ZNF829: variants seen among roughly 807,000 people sequenced by gnomAD.
ZNF829 encodes zinc finger protein 829.
In ZNF829, 25 loss-of-function variants were observed where a neutral mutation model predicts 35.2. That is an observed-to-expected ratio of 0.71 (90% CI 0.52 to 0.99). ZNF829 has a LOEUF of 0.99. Ranked by LOEUF, ZNF829 falls within the 50% of genes least tolerant of loss-of-function variation. The pLI is 0.00. For synonymous variants in ZNF829, 136 were observed against 163.2 expected (o/e 0.83, Z 1.27); for missense variants, 417 against 515.3 (o/e 0.81, Z 1.85).
At chr19:36,912,466 T>C (rs2073272325) in intron 3 of ZNF829, among the ~76,000 whole-genome samples, 1 of 152,190 alleles carries the variant, frequency 6.6e-6, no homozygotes, top group South Asian at 2.1e-4. Flanking sequence ...GATTTGGTTT[T>C]TCAGTTACAC....
rs2073061079 is a variant in ZNF829 at position 36,892,160 on chromosome 19, G to T, written c.631C>A (p.Pro211Thr). 2 of 1,613,992 alleles carry T rather than the reference G, an allele frequency of 1.2e-6. No individual in the cohort carries two copies. Residue 211 changes from proline (P) to threonine (T), a missense_variant, in exon 6 of 6, where the codon CCC becomes ACC. Physicochemically the swap from Pro to Thr is conservative, Grantham distance 38 (BLOSUM62 -1). Coordinates refer to ENST00000391711, the MANE Select transcript of ZNF829 (RefSeq NM_001037232.4). Reference protein sequence around the residue: ...RHQRIHTGKKPYECKECGKAF... With the variant: ...RHQRIHTGKKTYECKECGKAF... ...TTGCCACATTCCTTACATTCATAGG[G>T]TTTTTTACCAGTGTGAATCCTCTGA... is the stretch of plus-strand genomic sequence containing the variant.
intron 5 of ZNF829, among the ~76,000 whole-genome samples, chr19:36,893,336 A>G (rs536581270): frequency 5.2e-4 from 79 of 152,322 alleles, no homozygotes; most frequent in African/African-American, 1.9e-3. Flanking sequence ...AAAGAAATGA[A>G]TAATTCAAGT....
intron 5 of ZNF829, among the ~76,000 whole-genome samples, chr19:36,904,190 T>C (rs1435777965): frequency 6.6e-6 from 1 of 152,224 alleles, no homozygotes; most frequent in Non-Finnish European, 1.5e-5. Context: ...ATACAGTGAT[T>C]ACGAGAGACC....
Position 36,888,974 on chromosome 19 carries a change from G to A in ZNF829, c.*2518C>T, listed in dbSNP as rs188802480. On this transcript the variant is annotated 3_prime_UTR_variant, in exon 6 of 6. Coordinates refer to ENST00000391711, the MANE Select transcript of ZNF829 (RefSeq NM_001037232.4). ...TTTAGTAGAGACAGGGTTTCGCCAT[G>A]TCAGCCAGACTGGTCTCAAACTCTT... The A allele has an allele frequency of 6.6e-6, 1 of 152,222 alleles. No individual in the cohort carries two copies. The highest frequency in any genetic ancestry group is 2.4e-5 in the African/African-American group (1 of 41,452). The allele number at this position is 152,222 out of a possible 1,614,324, so 9.4% of individuals were successfully genotyped here.
chr19:36,891,972 A>G lies in ZNF829; in HGVS notation c.819T>C (p.Cys273=). 1 of 1,613,884 alleles carries G rather than the reference A, an allele frequency of 6.2e-7. No homozygotes were observed. Among genetic ancestry groups the G allele is most frequent in the Non-Finnish European group, 8.5e-7 (1 of 1,179,890 alleles). ...GTGAACTTTTAGTAAAGGCTTTTCC[A>G]CATACTTTACATTCATAGGGTTTCT... ...TGEKPYECKV[C]GKAFTKSSQL... is the part of the protein sequence containing the mutation. The change falls in exon 6 of 6, where the codon TGT becomes TGC. Residue 273 remains cysteine, a synonymous_variant. Transcript: ENST00000391711.
chr19:36,901,092 T>C (rs956788508), intron 5 of ZNF829, among the ~76,000 whole-genome samples: 1 of 152,094 alleles, frequency 6.6e-6, no homozygotes, highest in African/African-American at 2.4e-5. Context: ...ACAACATTAA[T>C]CAAAATAGCC....
chr19:36,915,566 CCAGA>C (rs1307707179), intron 1 of ZNF829, among the ~76,000 whole-genome samples: 3 of 150,930 alleles, frequency 2.0e-5, no homozygotes, highest in Non-Finnish European at 3.0e-5. Context: ...TTATTATCTC[CCAGA>C]CAATTTCACA....
chr19:36,916,162 T>C lies in ZNF829; in HGVS notation c.-236A>G, dbSNP rs2073327354. On this transcript the variant is annotated 5_prime_UTR_variant, in exon 1 of 6. Transcript: ENST00000391711. This position sits in a 1 kb window ranked among gnomAD's most constrained non-coding sequence, Gnocchi z 5.3. ...CTCGCCTGGGCCCACCCGAAACGGC[T>C]GCTCCCTCAACTCTCAACATCCAGC... is the stretch of plus-strand genomic sequence containing the variant. The C allele has an allele frequency of 1.9e-6, 1 of 528,118 alleles. No individual in the cohort carries two copies. The highest frequency in any genetic ancestry group is 1.9e-5 in the African/African-American group (1 of 51,336). 32.7% of individuals were successfully genotyped at this position (528,118 alleles called of 1,614,324 possible).
At chr19:36,899,125 C>A (rs1174207374) in intron 5 of ZNF829, among the ~76,000 whole-genome samples, 1 of 151,966 alleles carries the variant, frequency 6.6e-6, no homozygotes, top group Non-Finnish European at 1.5e-5. Flanking sequence ...GGACTAATAT[C>A]CAGAATTAAC....
At chr19:36,909,280 A>G (rs2146247193) in intron 3 of ZNF829, among the ~76,000 whole-genome samples, 1 of 152,318 alleles carries the variant, frequency 6.6e-6, no homozygotes, top group Non-Finnish European at 1.5e-5. Flanking sequence ...ATGTTTCATC[A>G]TGTAGAAAAT....
Position 36,915,184 on chromosome 19 carries a change from G to T in ZNF829, c.-17C>A. ...ATGGGGCATTCTGTCCAATTCCAGT[G>T]GCTCAGGGGAAAGGTTGTGTTCACT... On this transcript the variant is annotated 5_prime_UTR_variant, in exon 2 of 6. Coordinates refer to ENST00000391711, the MANE Select transcript of ZNF829 (RefSeq NM_001037232.4). The T allele has an allele frequency of 1.9e-6, 3 of 1,614,070 alleles. No homozygotes were observed. The highest frequency in any genetic ancestry group is 2.5e-6 in the Non-Finnish European group (3 of 1,179,970).
At chr19:36,894,824 A>G (rs2073096885) in intron 5 of ZNF829, among the ~76,000 whole-genome samples, 2 of 152,188 alleles carry the variant, frequency 1.3e-5, no homozygotes, top group Admixed American at 1.3e-4. Flanking sequence ...AAGCAACCAA[A>G]TATTCAAATT....
chr19:36,912,115 T>C (rs1029836220), intron 3 of ZNF829, among the ~76,000 whole-genome samples: 5 of 152,124 alleles, frequency 3.3e-5, no homozygotes, highest in East Asian at 1.9e-4. Flanking sequence ...GCAGGAGAAA[T>C]AGAAGCTCAG....
At chr19:36,911,657 AC>A (rs1243622995) in intron 3 of ZNF829, among the ~76,000 whole-genome samples, 5 of 152,148 alleles carry the variant, frequency 3.3e-5, no homozygotes, top group African/African-American at 1.2e-4. Flanking sequence ...CTTCTCCCTC[AC>A]CTTAGGACAA....
chr19:36,900,197 CAA>C (rs1206580553), intron 5 of ZNF829, among the ~76,000 whole-genome samples: 2 of 122,268 alleles, frequency 1.6e-5, no homozygotes, highest in African/African-American at 5.9e-5. Context: ...CACACACACA[CAA>C]ATTTGCTGGG....
At chr19:36,911,787 T>C (rs912154704) in intron 3 of ZNF829, among the ~76,000 whole-genome samples, 1 of 152,176 alleles carries the variant, frequency 6.6e-6, no homozygotes, top group African/African-American at 2.4e-5. Context: ...TTTCCCTCTT[T>C]GGACTAGATG....
chr19:36,901,818 C>T, intron 5 of ZNF829: 2 of 693,362 alleles, frequency 2.9e-6, no homozygotes, highest in Admixed American at 1.9e-5. Flanking sequence ...TGAGAATACA[C>T]CATCAGTATG....
intron 3 of ZNF829, among the ~76,000 whole-genome samples, chr19:36,909,639 T>C (rs1175947950): frequency 6.6e-6 from 1 of 151,938 alleles, no homozygotes; most frequent in Non-Finnish European, 1.5e-5. Flanking sequence ...AAACCCCGTG[T>C]CTACTTAAAA....
intron 5 of ZNF829, chr19:36,907,563 C>A: frequency 5.9e-6 from 1 of 170,260 alleles, no homozygotes; most frequent in Non-Finnish European, 1.2e-5. Context: ...CTTTTAAATC[C>A]AGAACAAACT....
Sources: gnomAD v4.1 joint callset for allele counts (sites outside exome capture counted in the v4.1 genomes callset) on GRCh38, gnomAD v4.1.1 for gene constraint, Gnocchi (gnomAD v3.1) non-coding constraint, MANE v1.5 for transcripts, NCBI Gene and HGNC (gene_info 2026-07-23, HGNC 2026-07-21) for gene names.